TSPEAR: variants seen among roughly 807,000 people sequenced by gnomAD.
TSPEAR encodes thrombospondin type laminin G domain and EAR repeats.
In TSPEAR, 69 loss-of-function variants were observed where a neutral mutation model predicts 71.6. That is an observed-to-expected ratio of 0.96 (90% confidence interval 0.79 to 1.18). TSPEAR has a LOEUF of 1.18. Among genes scored for constraint, TSPEAR ranks in the 50% most tolerant of loss-of-function variants. The probability of loss-of-function intolerance (pLI) is 0.00; values close to 1 mark genes in which losing one functional copy is unlikely to be tolerated. For synonymous variants in TSPEAR, 402 were observed against 387.2 expected (o/e 1.04, Z -0.45); for missense variants, 971 against 894.9 (o/e 1.09, Z -1.09).
intron 1 of TSPEAR, chr21:44,677,707 GT>G: frequency 1.4e-6 from 2 of 1,426,688 alleles, no homozygotes; most frequent in East Asian, 4.6e-5. Context: ...TTTTGGAGTT[GT>G]GAGGCAGGCT....
intron 2 of TSPEAR, among the ~76,000 whole-genome samples, chr21:44,566,349 G>A (rs1397177936): frequency 1.3e-5 from 2 of 152,006 alleles, no homozygotes; most frequent in African/African-American, 4.8e-5. Context: ...GTTTTGTTAA[G>A]GAAGATGTAA....
chr21:44,646,329 C>G (rs1208139301), intron 1 of TSPEAR: 2 of 1,331,870 alleles, frequency 1.5e-6, no homozygotes, highest in East Asian at 2.4e-5. Flanking sequence ...TGTGGAGCCT[C>G]CTGTTGGGAC....
chr21:44,516,955 C>G (rs1396408508), intron 9 of TSPEAR, among the ~76,000 whole-genome samples: 5 of 152,192 alleles, frequency 3.3e-5, no homozygotes, highest in Non-Finnish European at 7.4e-5. Context: ...GCAGGAGCCC[C>G]TCGCTCCTGC....
intron 1 of TSPEAR, among the ~76,000 whole-genome samples, chr21:44,684,677 C>T (rs1263895621): frequency 2.0e-5 from 3 of 152,192 alleles, no homozygotes; most frequent in Non-Finnish European, 2.9e-5. Flanking sequence ...TGGGCCCTGA[C>T]CTGCAGGAAG....
intron 2 of TSPEAR, among the ~76,000 whole-genome samples, chr21:44,566,538 T>C (rs1445476459): frequency 1.3e-5 from 2 of 152,148 alleles, no homozygotes; most frequent in Non-Finnish European, 2.9e-5. Flanking sequence ...CGATCCAGAA[T>C]AGCCAAACCA....
At chr21:44,503,478 G>T (rs1419414056) in intron 11 of TSPEAR, among the ~76,000 whole-genome samples, 3 of 138,778 alleles carry the variant, frequency 2.2e-5, no homozygotes, top group Non-Finnish European at 4.6e-5. Context: ...GAGCCCTCGG[G>T]GGGAAGAAAG....
At chr21:44,573,307 G>GCA (rs1313329585) in intron 1 of TSPEAR, among the ~76,000 whole-genome samples, 1 of 150,618 alleles carries the variant, frequency 6.6e-6, no homozygotes, top group African/African-American at 2.4e-5. Flanking sequence ...CCATAGCCTG[G>GCA]CACACACACA....
At chr21:44,526,713 T>C (rs1555914968) in intron 7 of TSPEAR, among the ~76,000 whole-genome samples, 1 of 152,174 alleles carries the variant, frequency 6.6e-6, no homozygotes, top group African/African-American at 2.4e-5. Flanking sequence ...GACATGGCTG[T>C]GTAGAGTCCA....
chr21:44,550,905 GAC>G, intron 2 of TSPEAR: 1 of 1,468,750 alleles, frequency 6.8e-7, no homozygotes, highest in South Asian at 1.3e-5. Context: ...GCAGCAGACG[GAC>G]ACACAGCAGG....
chr21:44,637,249 C>G lies in TSPEAR; in HGVS notation c.83-69244G>C. On this transcript the variant is annotated intron_variant, in intron 1 of 11. Transcript: ENST00000323084. ...GAAGCAGAAATAATGAGGGTCCTCC[C>G]GGCTCCAAACACCAACACGGAAGGG... 4 of 910,474 alleles carry G rather than the reference C, an allele frequency of 4.4e-6. No individual in the cohort carries two copies. The East Asian group carries it at 7.4e-5, about 17-fold the overall frequency. 56.4% of individuals were successfully genotyped at this position (910,474 alleles called of 1,614,324 possible).
intron 1 of TSPEAR, among the ~76,000 whole-genome samples, chr21:44,588,255 G>A (rs1447880271): frequency 6.6e-6 from 1 of 152,120 alleles, no homozygotes; most frequent in African/African-American, 2.4e-5. Context: ...TATACAAATG[G>A]CCAACAAACA....
intron 10 of TSPEAR, among the ~76,000 whole-genome samples, chr21:44,507,762 T>C (rs2052236859): frequency 1.3e-5 from 2 of 152,378 alleles, no homozygotes; most frequent in South Asian, 2.1e-4. Flanking sequence ...CTAAAAAGCC[T>C]AATGTTTGTT....
At position 44,521,910 on chromosome 21, in the gene TSPEAR, G is replaced by GC. The variant is rs781798704; in HGVS notation, c.1538dup (p.Ser514LeufsTer44). ...GGAAGGACTGGAAGAGCTGGAAGGA[G>GC]CCCAGGAGTCGGATGTAGAGGTGCG... On this transcript the variant is annotated frameshift_variant, in exon 9 of 12. Transcript: ENST00000323084. LOFTEE classifies it high-confidence loss of function. 1.9e-6 allele frequency: 3 copies of GC among 1,613,930 alleles called. No homozygotes were observed. The South Asian group carries it at 3.3e-5, about 18-fold the overall frequency.
rs150769938 is a variant in TSPEAR at position 44,550,234 on chromosome 21, G to T, written c.304-16311C>A. The T allele has an allele frequency of 4.0e-3, 870 of 218,220 alleles. 4 individuals carry two copies. Among genetic ancestry groups the T allele is most frequent in the African/African-American group, 0.018 (805 of 43,884 alleles). 13.5% of individuals were successfully genotyped at this position (218,220 alleles called of 1,614,324 possible). A position where few individuals can be genotyped will look rare whatever the true frequency, so the allele number is the denominator to read the frequency against. ...ACAGGAGCTTCCAGGTGTCACACAAGAGCCCCCCGGGGCCCCCAGCTGGGG... is the reference window on the plus strand; with the variant it reads ...ACAGGAGCTTCCAGGTGTCACACAATAGCCCCCCGGGGCCCCCAGCTGGGG... On this transcript the variant is annotated intron_variant, in intron 2 of 11. Transcript: ENST00000323084.
chr21:44,702,260 G>A (rs1987685622), intron 1 of TSPEAR: 2 of 1,606,056 alleles, frequency 1.2e-6, no homozygotes, highest in African/African-American at 1.3e-5. Flanking sequence ...GTGGACGACT[G>A]CCCGGAGAGC....
At chr21:44,523,597 TTAGG>T (rs2145965261) in intron 8 of TSPEAR, among the ~76,000 whole-genome samples, 1 of 151,774 alleles carries the variant, frequency 6.6e-6, no homozygotes, top group African/African-American at 2.4e-5. Context: ...AGTTCAGTAG[TTAGG>T]TAGTCAGTCA....
At position 44,697,568 on chromosome 21, in the gene TSPEAR, G is replaced by A. The variant is rs367590451; in HGVS notation, c.82+13865C>T. ...CTGCAAGCCTGTGTGCTGTATGCCC[G>A]TCTGCTGTGGGCCTTCTTCTTCATG... is the stretch of plus-strand genomic sequence containing the variant. On this transcript the variant is annotated intron_variant, in intron 1 of 11. Coordinates refer to ENST00000323084, the MANE Select transcript of TSPEAR (RefSeq NM_144991.3). 4.0e-5 allele frequency: 65 copies of A among 1,612,944 alleles called. No homozygotes were observed. The highest frequency in any genetic ancestry group is 1.7e-4 in the Middle Eastern group (1 of 6,058).
intron 2 of TSPEAR, among the ~76,000 whole-genome samples, chr21:44,551,751 G>T (rs2053445029): frequency 1.3e-5 from 2 of 152,162 alleles, no homozygotes. Flanking sequence ...TGTCCCCCGG[G>T]AACACCAGGA....
intron 9 of TSPEAR, among the ~76,000 whole-genome samples, chr21:44,515,007 C>T (rs2052516145): frequency 6.6e-6 from 1 of 152,142 alleles, no homozygotes; most frequent in Non-Finnish European, 1.5e-5. Context: ...GTGTGCACAG[C>T]TCCTCAAACC....
Sources: gnomAD v4.1 joint callset for allele counts (sites outside exome capture counted in the v4.1 genomes callset) on GRCh38, gnomAD v4.1.1 for gene constraint, MANE v1.5 for transcripts, NCBI Gene and HGNC (gene_info 2026-07-23, HGNC 2026-07-21) for gene names.